Variants in MYCBP2 observed in about 807,000 individuals in gnomAD.
MYCBP2 encodes MYC binding protein 2.
Under a neutral mutation model 525.3 loss-of-function variants are expected in MYCBP2, and 120 were observed. That is an observed-to-expected ratio of 0.23 (90% confidence interval 0.20 to 0.27). MYCBP2 has a LOEUF of 0.27. Among genes scored for constraint, MYCBP2 ranks in the 10% least tolerant of loss-of-function variants. The pLI, the probability that MYCBP2 is intolerant of heterozygous loss-of-function variation, is 1.00. For synonymous variants in MYCBP2, 1,894 were observed against 1,955.8 expected (o/e 0.97, Z 0.83); for missense variants, 4,149 against 5,657.1 (o/e 0.73, Z 8.55).
rs138183340 is a variant in MYCBP2, at chr13:77,073,082, G to A, written c.11824-2371C>T. On this transcript the variant is annotated intron_variant, in intron 68 of 82. Coordinates refer to ENST00000544440, the MANE Select transcript of MYCBP2 (RefSeq NM_015057.5). ...GTACATTCAGATATGTGCAACTATC[G>A]TCGTCAGTCAATATTACAGCATTTT... 2.8e-3 allele frequency among the ~76,000 whole-genome samples: 421 copies of A among 151,986 alleles called. 2 individuals carry two copies. Among genetic ancestry groups the A allele is most frequent in the Non-Finnish European group, 4.1e-3 (278 of 67,942 alleles).
chr13:77,084,097 G>A (rs1322085537), intron 62 of MYCBP2, among the ~76,000 whole-genome samples: 1 of 152,122 alleles, frequency 6.6e-6, no homozygotes, highest in Admixed American at 6.6e-5. Flanking sequence ...AGTCATTTAG[G>A]TTGTTTCCAA....
intron 15 of MYCBP2, among the ~76,000 whole-genome samples, 168 bp downstream of exon 15, chr13:77,250,983 G>C (rs1460666945): frequency 1.3e-5 from 2 of 152,120 alleles, no homozygotes; most frequent in Admixed American, 6.5e-5. Flanking sequence ...TATTATAACA[G>C]AAAACAATTA....
chr13:77,281,929 C>T (rs921555104), intron 3 of MYCBP2, among the ~76,000 whole-genome samples: 1 of 152,068 alleles, frequency 6.6e-6, no homozygotes, highest in Non-Finnish European at 1.5e-5. Flanking sequence ...AAAAGGAAAT[C>T]AAAATTATAT....
At chr13:77,322,172 T>C (rs2081738012) in intron 1 of MYCBP2, among the ~76,000 whole-genome samples, 1 of 152,048 alleles carries the variant, frequency 6.6e-6, no homozygotes, top group Non-Finnish European at 1.5e-5. Flanking sequence ...TCCCTGAACT[T>C]TTGCTAAAAT....
chr13:77,207,672 T>G (rs775597698), intron 23 of MYCBP2, among the ~76,000 whole-genome samples: 1 of 152,152 alleles, frequency 6.6e-6, no homozygotes, highest in Non-Finnish European at 1.5e-5. Context: ...TGGGAGAAAA[T>G]ATATTATGGT....
chr13:77,242,979 T>C (rs567304871), intron 17 of MYCBP2, 80 bp downstream of exon 17: 4 of 1,156,130 alleles, frequency 3.5e-6, no homozygotes, highest in African/African-American at 3.1e-5. Flanking sequence ...AATTAGTTTA[T>C]TGTGTGAACT....
At chr13:77,158,163 A>G in intron 44 of MYCBP2, 54 bp from the exon 45 acceptor site, 1 of 1,254,922 alleles carries the variant, frequency 8.0e-7, no homozygotes. Flanking sequence ...CTTTAATTAC[A>G]TAAAATTTTT....
At chr13:77,223,255 A>T (rs2065836513) in intron 20 of MYCBP2, among the ~76,000 whole-genome samples, 1 of 152,172 alleles carries the variant, frequency 6.6e-6, no homozygotes. Context: ...ATTCCTGCCC[A>T]ATGCAGGACC....
chr13:77,285,694 G>A (rs1214447367), intron 3 of MYCBP2, among the ~76,000 whole-genome samples: 1 of 152,138 alleles, frequency 6.6e-6, no homozygotes, highest in East Asian at 1.9e-4. Flanking sequence ...GCTGAGGCAG[G>A]AGAATTGCTT....
intron 55 of MYCBP2, chr13:77,118,530 T>C (rs1247601166): frequency 1.3e-6 from 1 of 763,056 alleles, no homozygotes; most frequent in Admixed American, 1.7e-5. Context: ...CTACAACTCG[T>C]TATTCATTAA....
intron 1 of MYCBP2, among the ~76,000 whole-genome samples, chr13:77,318,765 A>G (rs1305651004): frequency 6.6e-6 from 1 of 152,158 alleles, no homozygotes; most frequent in Non-Finnish European, 1.5e-5. Flanking sequence ...AAACAAACAA[A>G]CAAACAAAAA....
At chr13:77,307,810 C>T (rs2079656758) in intron 1 of MYCBP2, among the ~76,000 whole-genome samples, 1 of 151,972 alleles carries the variant, frequency 6.6e-6, no homozygotes, top group South Asian at 2.1e-4. Context: ...CCAAACAGTG[C>T]CTACTTCTTT....
Position 77,194,145 on chromosome 13 carries a change from T to G in MYCBP2, c.3935+8A>C. ...AGAGTTACAATGAATAATGCACAAA[T>G]TATTTACCTAGCAGCACAGTCATAA... is the stretch of plus-strand genomic sequence containing the variant. On this transcript the variant is annotated splice_region_variant and intron_variant, in intron 27 of 82. Coordinates refer to ENST00000544440, the MANE Select transcript of MYCBP2 (RefSeq NM_015057.5). 6.3e-7 allele frequency: 1 copy of G among 1,590,316 alleles called. No individual in the cohort carries two copies. The highest frequency in any genetic ancestry group is 8.6e-7 in the Non-Finnish European group (1 of 1,162,082).
intron 55 of MYCBP2, among the ~76,000 whole-genome samples, chr13:77,114,287 T>C (rs1412745019): frequency 6.6e-6 from 1 of 152,120 alleles, no homozygotes; most frequent in Non-Finnish European, 1.5e-5. Context: ...AGAGAAGGAC[T>C]TTTTCTATAT....
chr13:77,286,799 T>A (rs1359312913), intron 3 of MYCBP2, among the ~76,000 whole-genome samples: 10 of 112,090 alleles, frequency 8.9e-5, no homozygotes, highest in African/African-American at 2.2e-4. Context: ...AATATATATA[T>A]ATATATATAT....
At chr13:77,259,740 C>G (rs1047334619) in intron 13 of MYCBP2, among the ~76,000 whole-genome samples, 2 of 152,118 alleles carry the variant, frequency 1.3e-5, no homozygotes, top group Non-Finnish European at 2.9e-5. Flanking sequence ...TCCTTTTTTA[C>G]AAAGAAACTC....
intron 13 of MYCBP2, among the ~76,000 whole-genome samples, chr13:77,258,658 C>A (rs1164461513): frequency 6.6e-6 from 1 of 152,000 alleles, no homozygotes; most frequent in Non-Finnish European, 1.5e-5. Context: ...GTTAATTATA[C>A]CTCAAAAATT....
rs550439827 is a variant in MYCBP2, at chr13:77,201,154, C to T, written c.3843+4102G>A. Among the ~76,000 whole-genome samples the T allele has an allele frequency of 2.1e-3, 326 of 151,836 alleles. 1 individual carries two copies. The highest frequency in any genetic ancestry group is 4.2e-3 in the African/African-American group (174 of 41,252). On this transcript the variant is annotated intron_variant, in intron 26 of 82. Coordinates refer to ENST00000544440, the MANE Select transcript of MYCBP2 (RefSeq NM_015057.5). The stretch of plus-strand genomic sequence containing the variant: ...TGCTGTGTTCAGGAAACCCATCTCA[C>T]GTGCAGAGACGCATATAGGCTCAAA...
chr13:77,214,450 TA>T (rs112804113), intron 21 of MYCBP2, among the ~76,000 whole-genome samples: 13,091 of 145,114 alleles, frequency 0.09, 1,701 homozygotes, highest in African/African-American at 0.29. Flanking sequence ...TACATGGAGG[TA>T]AAAAAAAAAA....
Sources: gnomAD v4.1 joint callset for allele counts (sites outside exome capture counted in the v4.1 genomes callset) on GRCh38, gnomAD v4.1.1 for gene constraint, MANE v1.5 for transcripts, NCBI Gene and HGNC (gene_info 2026-07-23, HGNC 2026-07-21) for gene names.